The following GPR139 variants were observed in gnomAD, a reference collection of about 807,000 sequenced individuals.
GPR139 encodes probable G protein-coupled receptor 139.
Under a neutral mutation model 25.8 loss-of-function variants are expected in GPR139, and 12 were observed. That is an observed-to-expected ratio of 0.47 (90% CI 0.30 to 0.75). The LOEUF (loss-of-function observed/expected upper bound fraction) is 0.75, where lower values mean the gene tolerates loss of function less well. Ranked by LOEUF, GPR139 falls within the 30% of genes least tolerant of loss-of-function variation. The pLI is 0.07. For synonymous variants in GPR139, 184 were observed against 179.9 expected (o/e 1.02, Z -0.18); for missense variants, 380 against 450.2 (o/e 0.84, Z 1.41).
chr16:20,043,708 A>C (rs1282515026), intron 1 of GPR139, among the ~76,000 whole-genome samples: 1 of 152,348 alleles, frequency 6.6e-6, no homozygotes, highest in Non-Finnish European at 1.5e-5. Context: ...GTACCTTGAA[A>C]GGACTTGATG....
At chr16:20,067,594 C>T (rs886936705) in intron 1 of GPR139, among the ~76,000 whole-genome samples, 6 of 152,008 alleles carry the variant, frequency 3.9e-5, no homozygotes, top group African/African-American at 1.2e-4. Flanking sequence ...CAGCTGAGGT[C>T]GGGAGTTTGA....
Position 20,073,762 on chromosome 16 carries a change from C to G in GPR139, c.-146G>C. On this transcript the variant is annotated 5_prime_UTR_variant, in exon 1 of 2. Coordinates refer to ENST00000570682, the MANE Select transcript of GPR139 (RefSeq NM_001002911.4). The surrounding 1 kb of genome is among the most constrained non-coding windows in gnomAD (Gnocchi z 4.7). ...CGCAGGACTGGCTCCTACCCTTGGCCGTGATCCCCTCTGCTCGCTCCGCAC... is the reference window on the plus strand; with the variant it reads ...CGCAGGACTGGCTCCTACCCTTGGCGGTGATCCCCTCTGCTCGCTCCGCAC... 4.8e-6 allele frequency: 5 copies of G among 1,046,586 alleles called. No individual in the cohort carries two copies. Among genetic ancestry groups the G allele is most frequent in the Non-Finnish European group, 6.7e-6 (5 of 751,718 alleles). The allele number at this position is 1,046,586 out of a possible 1,614,324, so 64.8% of individuals were successfully genotyped here.
rs201142021 is a variant in GPR139, at chr16:20,038,320, AATAT to A, written c.128-5655_128-5652del. Among the ~76,000 whole-genome samples the A allele has an allele frequency of 4.5e-3, 498 of 110,348 alleles. 2 individuals are homozygous for A. Among genetic ancestry groups the A allele is most frequent in the Middle Eastern group, 0.01 (2 of 194 alleles). 72.4% of individuals were successfully genotyped at this position (110,348 alleles called of 152,430 possible). A position where few individuals can be genotyped will look rare whatever the true frequency, so the allele number is the denominator to read the frequency against. On this transcript the variant is annotated intron_variant, in intron 1 of 1. Transcript: ENST00000570682. Reference sequence around the variant, plus strand: ...TACATACAGGTTTAAGTTCCTGGATAATATATATATGTGTGTGTGTGTGTGTGTG... The same window carrying A: ...TACATACAGGTTTAAGTTCCTGGATAATATATGTGTGTGTGTGTGTGTGTG...
At position 20,045,452 on chromosome 16, in the gene GPR139, T is replaced by C. The variant is rs924440342; in HGVS notation, c.128-12783A>G. ...GCAAGACCCAGGATTCAAAAACAAT[T>C]TGTTAGACTCTAGAGTGCATTTGAT... On this transcript the variant is annotated intron_variant, in intron 1 of 1. Transcript: ENST00000570682. Among the ~76,000 whole-genome samples, 11 of 152,262 alleles carry C rather than the reference T, an allele frequency of 7.2e-5. No individual in the cohort carries two copies. In the East Asian group the frequency reaches 2.1e-3, roughly 29 times the overall value.
intron 1 of GPR139, among the ~76,000 whole-genome samples, chr16:20,068,509 G>A (rs2057445278): frequency 6.6e-6 from 1 of 152,116 alleles, no homozygotes; most frequent in Non-Finnish European, 1.5e-5. Context: ...GAGTTTTTGT[G>A]GTGTGGAGTC....
rs1424954714 is a variant in GPR139, at chr16:20,029,599, G to A, written c.*2136C>T. Among the ~76,000 whole-genome samples, 1 of 151,928 alleles carries A rather than the reference G, an allele frequency of 6.6e-6. No individual in the cohort carries two copies. Among genetic ancestry groups the A allele is most frequent in the Non-Finnish European group, 1.5e-5 (1 of 67,992 alleles). ...TTAATGAACACATGTTCAATTACACGTGCTTGGCAAAAAAGAGACAGAGAG... is the reference window on the plus strand; with the variant it reads ...TTAATGAACACATGTTCAATTACACATGCTTGGCAAAAAAGAGACAGAGAG... On this transcript the variant is annotated 3_prime_UTR_variant, in exon 2 of 2. Transcript: ENST00000570682.
intron 1 of GPR139, among the ~76,000 whole-genome samples, chr16:20,070,356 T>C (rs2057455445): frequency 6.6e-6 from 1 of 152,216 alleles, no homozygotes; most frequent in Non-Finnish European, 1.5e-5. Flanking sequence ...CATTTTTACA[T>C]AGATGATCTT....
chr16:20,071,599 T>C (rs552932364), intron 1 of GPR139, among the ~76,000 whole-genome samples: 1 of 152,304 alleles, frequency 6.6e-6, no homozygotes, highest in African/African-American at 2.4e-5. Flanking sequence ...TCCTTTTAAG[T>C]TCCCAAACTC....
chr16:20,064,978 G>C (rs1439827995), intron 1 of GPR139, among the ~76,000 whole-genome samples: 1 of 152,142 alleles, frequency 6.6e-6, no homozygotes, highest in Non-Finnish European at 1.5e-5. Context: ...GGGTTGGCAT[G>C]CTTTTCCACT....
At position 20,073,865 on chromosome 16, in the gene GPR139, G is replaced by C; in HGVS notation, c.-249C>G. 2.3e-6 allele frequency: 1 copy of C among 443,386 alleles called. No homozygotes were observed. The highest frequency in any genetic ancestry group is 3.9e-6 in the Non-Finnish European group (1 of 255,006). The allele number at this position is 443,386 out of a possible 1,614,324, so 27.5% of individuals were successfully genotyped here. On this transcript the variant is annotated 5_prime_UTR_variant, in exon 1 of 2. Coordinates refer to ENST00000570682, the MANE Select transcript of GPR139 (RefSeq NM_001002911.4). The surrounding 1 kb of genome is among the most constrained non-coding windows in gnomAD (Gnocchi z 4.7). ...TGCGGGGCGCGCTGCGCGGGGCCTC[G>C]GGAGGGGCTCCCGGAGCCCGTCTGT...
chr16:20,033,043 C>A (rs1264283110), intron 1 of GPR139, among the ~76,000 whole-genome samples: 1 of 151,802 alleles, frequency 6.6e-6, no homozygotes, highest in African/African-American at 2.4e-5. Flanking sequence ...CACCATTCTC[C>A]TCACACAACC....
In GPR139 at chr16:20,039,165, G is replaced by T. The variant is rs1359425358; in HGVS notation, c.128-6496C>A. 3.3e-5 allele frequency among the ~76,000 whole-genome samples: 5 copies of T among 152,346 alleles called. No individual in the cohort carries two copies. In the East Asian group the frequency reaches 9.6e-4, roughly 29 times the overall value. On this transcript the variant is annotated intron_variant, in intron 1 of 1. Transcript: ENST00000570682. ...AAAGCTTCTTGGTTATATTCTTGAG[G>T]GAATTCATTTCCCGTATTTTGCAGC...
intron 1 of GPR139, among the ~76,000 whole-genome samples, chr16:20,065,409 G>A (rs2057428508): frequency 1.3e-5 from 2 of 152,134 alleles, no homozygotes; most frequent in South Asian, 4.1e-4. Flanking sequence ...TGGTCTGAAT[G>A]TTGGTTATCA....
chr16:20,057,184 A>C (rs1280151987), intron 1 of GPR139, among the ~76,000 whole-genome samples: 1 of 152,230 alleles, frequency 6.6e-6, no homozygotes, highest in Non-Finnish European at 1.5e-5. Context: ...AGTGACGTGC[A>C]GGCCGGTCGC....
chr16:20,042,183 G>A (rs1393359001), intron 1 of GPR139, among the ~76,000 whole-genome samples: 3 of 152,174 alleles, frequency 2.0e-5, no homozygotes, highest in Non-Finnish European at 1.5e-5. Flanking sequence ...AGGATATTAT[G>A]AGGATATATG....
intron 1 of GPR139, among the ~76,000 whole-genome samples, chr16:20,044,968 C>T (rs2057349136): frequency 1.3e-5 from 2 of 149,696 alleles, no homozygotes; most frequent in South Asian, 4.2e-4. Flanking sequence ...GTATTTGGCT[C>T]ACTTGCCAGA....
At chr16:20,070,022 A>T (rs1228295190) in intron 1 of GPR139, among the ~76,000 whole-genome samples, 1 of 152,244 alleles carries the variant, frequency 6.6e-6, no homozygotes, top group Non-Finnish European at 1.5e-5. Context: ...TCCACAGAGC[A>T]CAGAAAGGAG....
rs2057289763 is a variant in GPR139, at chr16:20,031,780, C to A, written c.1017G>T (p.Val339=). ...GTTTTCCATTTTTGTCATACTGGTA[C>A]ACCAGCATCTTGATGCAGTGTGAGT... The part of the protein sequence containing the change: ...PANSHCIKML[V]YQYDKNGKPI... The change falls in exon 2 of 2, where the codon GTG becomes GTT. Residue 339 remains valine, a synonymous_variant. Coordinates refer to ENST00000570682, the MANE Select transcript of GPR139 (RefSeq NM_001002911.4). The A allele has an allele frequency of 6.2e-7, 1 of 1,614,052 alleles. No individual in the cohort carries two copies. Among genetic ancestry groups the A allele is most frequent in the African/African-American group, 1.3e-5 (1 of 74,936 alleles).
chr16:20,032,041 G>C lies in GPR139; in HGVS notation c.756C>G (p.Leu252=), dbSNP rs749801149. 58 of 1,614,110 alleles carry C rather than the reference G, an allele frequency of 3.6e-5. No homozygotes were observed. Among genetic ancestry groups the C allele is most frequent in the Non-Finnish European group, 4.9e-5 (58 of 1,180,052 alleles). Residue 252 remains leucine (L), a synonymous_variant, in exon 2 of 2, where the codon CTC becomes CTG. Coordinates refer to ENST00000570682, the MANE Select transcript of GPR139 (RefSeq NM_001002911.4). ...APRIIMILYH[L]YGAPIQNRWL... is the part of the protein sequence containing the mutation. ...AGCGGTTCTGGATGGGCGCCCCATA[G>C]AGGTGGTAAAGAATCATGATGATGC...
Sources: gnomAD v4.1 joint callset for allele counts (sites outside exome capture counted in the v4.1 genomes callset) on GRCh38, gnomAD v4.1.1 for gene constraint, Gnocchi (gnomAD v3.1) non-coding constraint, MANE v1.5 for transcripts, NCBI Gene and HGNC (gene_info 2026-07-23, HGNC 2026-07-21) for gene names.